EPS15: variants seen among roughly 807,000 people sequenced by gnomAD.
EPS15 encodes the protein epidermal growth factor receptor pathway substrate 15.
EPS15 carries 72 observed loss-of-function variants against 113.8 expected under a neutral mutation model. That is an observed-to-expected ratio of 0.63 (90% CI 0.52 to 0.77). EPS15 has a LOEUF of 0.77. EPS15 is among the 30% of genes least tolerant of loss of function. EPS15 has a pLI of 0.00. For missense variants in EPS15, 1,048 were observed against 1,045.8 expected (o/e 1.00, Z -0.03); for synonymous variants, 344 against 363.4 (o/e 0.95, Z 0.61).
Position 51,361,308 on chromosome 1 carries a change from T to G in EPS15, c.2407A>C (p.Asn803His), listed in dbSNP as rs2148344373. The G allele has an allele frequency of 6.2e-7, 1 of 1,614,018 alleles. No individual in the cohort carries two copies. The highest frequency in any genetic ancestry group is 1.7e-4 in the Middle Eastern group (1 of 6,060). The change falls in exon 24 of 25, where the codon AAT (asparagine) becomes CAT (histidine). Residue 803 changes from asparagine to histidine, a missense_variant. Coordinates refer to ENST00000371733, the MANE Select transcript of EPS15 (RefSeq NM_001981.3). ...CCTGGGAAAGGCTGAAATGGATCAT[T>G]CAGTTTAAAGGGATCAGGAGAATCC... ...KLDSPDPFKL[N>H]DPFQPFPGND...
In EPS15 at chr1:51,394,382, T is replaced by C; in HGVS notation, c.2118A>G (p.Ser706=). 2 of 1,587,242 alleles carry C rather than the reference T, an allele frequency of 1.3e-6. No individual in the cohort carries two copies. Among genetic ancestry groups the C allele is most frequent in the Non-Finnish European group, 1.7e-6 (2 of 1,162,092 alleles). ...GAAGTTGATAAATTATTTATTTACC[T>C]GAATCGCTTGCTGCAACAACTGTTC... ...PGGTVVAASD[S]ATDPFASVFG... Residue 706 remains serine, a splice_region_variant and synonymous_variant, in exon 21 of 25, where the codon TCA becomes TCG. Transcript: ENST00000371733.
chr1:51,423,573 C>T, intron 12 of EPS15: 1 of 985,350 alleles, frequency 1.0e-6, no homozygotes. Flanking sequence ...TCAGTATCAA[C>T]TCAGCTCCTG....
At position 51,356,530 on chromosome 1, in the gene EPS15, G is replaced by T; in HGVS notation, c.*170C>A. 2.1e-6 allele frequency: 1 copy of T among 481,846 alleles called. No homozygotes were observed. Among genetic ancestry groups the T allele is most frequent in the Non-Finnish European group, 3.5e-6 (1 of 284,102 alleles). 29.8% of individuals were successfully genotyped at this position (481,846 alleles called of 1,614,324 possible). On this transcript the variant is annotated 3_prime_UTR_variant, in exon 25 of 25. Coordinates refer to ENST00000371733, the MANE Select transcript of EPS15 (RefSeq NM_001981.3). ...GGCTTTTATAAGAAAAAAAAAAAAAGACGAATCTGTAATGAAGAAAAAAAA... is the reference window on the plus strand; with the variant it reads ...GGCTTTTATAAGAAAAAAAAAAAAATACGAATCTGTAATGAAGAAAAAAAA...
chr1:51,505,936 G>C (rs1204908684), intron 1 of EPS15, among the ~76,000 whole-genome samples: 1 of 151,974 alleles, frequency 6.6e-6, no homozygotes, highest in Non-Finnish European at 1.5e-5. Flanking sequence ...ACCCAGGCTG[G>C]ATTACAATGG....
intron 10 of EPS15, among the ~76,000 whole-genome samples, chr1:51,446,501 T>C (rs1653064141): frequency 6.6e-6 from 1 of 150,864 alleles, no homozygotes; most frequent in Non-Finnish European, 1.5e-5. Context: ...TTGCCCAGGC[T>C]GGAGTGCAAT....
At chr1:51,384,614 A>G (rs1420286302) in intron 21 of EPS15, among the ~76,000 whole-genome samples, 1 of 152,086 alleles carries the variant, frequency 6.6e-6, no homozygotes, top group Non-Finnish European at 1.5e-5. Flanking sequence ...CTGGGATTAC[A>G]TGCATGAGCC....
chr1:51,518,583 T>G (rs187114509), intron 1 of EPS15: 10 of 152,646 alleles, frequency 6.6e-5, no homozygotes, highest in Admixed American at 6.5e-4. Flanking sequence ...GAGTGGGTAG[T>G]TGAGTAGGAT....
chr1:51,405,904 C>T lies in EPS15; in HGVS notation c.1677+1G>A, dbSNP rs1649075455. 2.5e-6 allele frequency: 4 copies of T among 1,613,396 alleles called. No homozygotes were observed. Among genetic ancestry groups the T allele is most frequent in the Non-Finnish European group, 3.4e-6 (4 of 1,179,400 alleles). On this transcript the variant is annotated splice_donor_variant, in intron 16 of 24. Transcript: ENST00000371733. LOFTEE classifies it high-confidence loss of function. The stretch of plus-strand genomic sequence containing the variant: ...GAAGGTTATGAAAGTATTAGACTCA[C>T]TGGAGATTCCTGGTGTATGGGCTCA...
At chr1:51,470,314 T>C (rs1460236679) in intron 4 of EPS15, among the ~76,000 whole-genome samples, 1 of 152,120 alleles carries the variant, frequency 6.6e-6, no homozygotes, top group East Asian at 1.9e-4. Flanking sequence ...TGGAAATTCA[T>C]TAAGTATTGG....
chr1:51,361,993 A>G (rs550227803), intron 23 of EPS15, among the ~76,000 whole-genome samples: 2 of 152,320 alleles, frequency 1.3e-5, no homozygotes, highest in South Asian at 4.1e-4. Flanking sequence ...TGACCAAACA[A>G]TAGTATTCTG....
intron 16 of EPS15, among the ~76,000 whole-genome samples, chr1:51,404,139 G>A (rs1477044114): frequency 6.6e-6 from 1 of 152,166 alleles, no homozygotes; most frequent in African/African-American, 2.4e-5. Flanking sequence ...AAGGTCAGGA[G>A]ATCGAGACCT....
intron 11 of EPS15, among the ~76,000 whole-genome samples, chr1:51,441,863 GCAT>G (rs1652622444): frequency 2.0e-5 from 3 of 152,228 alleles, no homozygotes; most frequent in Admixed American, 2.0e-4. Context: ...AGTGGCACTT[GCAT>G]ATCAAGATCA....
intron 21 of EPS15, among the ~76,000 whole-genome samples, chr1:51,371,316 GT>G (rs1231479070): frequency 6.6e-6 from 1 of 152,126 alleles, no homozygotes; most frequent in African/African-American, 2.4e-5. Context: ...AGAAGGCATT[GT>G]TATCGTAAGA....
intron 12 of EPS15, among the ~76,000 whole-genome samples, chr1:51,436,868 A>C (rs1438019203): frequency 1.3e-5 from 2 of 152,196 alleles, no homozygotes; most frequent in Non-Finnish European, 2.9e-5. Flanking sequence ...GTGAGGGGAC[A>C]ATTAGGGAAT....
In EPS15 at chr1:51,504,767, T is replaced by C. The variant is rs1570443890; in HGVS notation, c.33+14432A>G. Among the ~76,000 whole-genome samples, 5 of 152,036 alleles carry C rather than the reference T, an allele frequency of 3.3e-5. No individual in the cohort carries two copies. The South Asian group carries it at 8.3e-4, about 25-fold the overall frequency. On this transcript the variant is annotated intron_variant, in intron 1 of 24. Coordinates refer to ENST00000371733, the MANE Select transcript of EPS15 (RefSeq NM_001981.3). ...AGCTAATAACAATTACTGGAGAGGA[T>C]GTGGAGAAATCCTCATCCCGGTACA...
At chr1:51,430,175 C>A (rs1414047974) in intron 12 of EPS15, among the ~76,000 whole-genome samples, 1 of 152,084 alleles carries the variant, frequency 6.6e-6, no homozygotes, top group Non-Finnish European at 1.5e-5. Flanking sequence ...CTGTCAGAAG[C>A]CTTGAGCTAG....
At chr1:51,465,183 G>T in intron 6 of EPS15, 78 bp downstream of exon 6, 1 of 863,790 alleles carries the variant, frequency 1.2e-6, no homozygotes, top group Non-Finnish European at 1.9e-6. Flanking sequence ...AATGAAGATA[G>T]CAATATATTT....
intron 13 of EPS15, among the ~76,000 whole-genome samples, chr1:51,411,065 A>C (rs1322065573): frequency 6.6e-6 from 1 of 152,244 alleles, no homozygotes; most frequent in Non-Finnish European, 1.5e-5. Flanking sequence ...TGAGCTCTTA[A>C]CCACCATGTG....
intron 4 of EPS15, among the ~76,000 whole-genome samples, chr1:51,471,392 T>C (rs1362748701): frequency 6.6e-6 from 1 of 152,202 alleles, no homozygotes; most frequent in Non-Finnish European, 1.5e-5. Context: ...AACACTTACT[T>C]AATAACATTC....
Sources: gnomAD v4.1 joint callset for allele counts (sites outside exome capture counted in the v4.1 genomes callset) on GRCh38, gnomAD v4.1.1 for gene constraint, MANE v1.5 for transcripts, NCBI Gene and HGNC (gene_info 2026-07-23, HGNC 2026-07-21) for gene names.